The following CFAP299 variants were observed in gnomAD, a reference collection of about 807,000 sequenced individuals.
CFAP299 encodes the protein cilia- and flagella-associated protein 299.
A neutral mutation model predicts 27.0 loss-of-function variants in CFAP299; 21 were observed. The ratio of observed to expected loss-of-function variants is 0.78; its 90% CI spans 0.55 to 1.12. The LOEUF (loss-of-function observed/expected upper bound fraction) is 1.12. Among genes scored for constraint, CFAP299 ranks in the 50% most tolerant of loss-of-function variants. The pLI is 0.00. For synonymous variants in CFAP299, 104 were observed against 98.1 expected (o/e 1.06, Z -0.36); for missense variants, 310 against 276.6 (o/e 1.12, Z -0.86).
rs746657542 is a variant in CFAP299 at position 80,869,977 on chromosome 4, T to G, written c.334-16T>G. The G allele has an allele frequency of 2.5e-6, 4 of 1,592,858 alleles. No individual in the cohort carries two copies. Among genetic ancestry groups the G allele is most frequent in the Admixed American group, 3.6e-5 (2 of 55,700 alleles). ...TCTTTTATATTTTTGTCTTATTCTC[T>G]ATTCTGTGCTACCAGTCCGTGATCT... On this transcript the variant is annotated splice_polypyrimidine_tract_variant and intron_variant, in intron 3 of 5. Coordinates refer to ENST00000358105, the MANE Select transcript of CFAP299 (RefSeq NM_152770.3).
At chr4:80,617,565 C>A (rs1271868044) in intron 3 of CFAP299, among the ~76,000 whole-genome samples, 1 of 152,032 alleles carries the variant, frequency 6.6e-6, no homozygotes, top group Non-Finnish European at 1.5e-5. Flanking sequence ...GGGGAATGTT[C>A]TTCTCAAATC....
chr4:80,393,664 CA>C (rs1725619787), intron 2 of CFAP299, among the ~76,000 whole-genome samples: 1 of 152,000 alleles, frequency 6.6e-6, no homozygotes, highest in Non-Finnish European at 1.5e-5. Flanking sequence ...TAGGCTATAC[CA>C]TATAGTTTAG....
chr4:80,364,117 C>CACACACACACACACACACACACACA (rs1472921150), intron 2 of CFAP299, among the ~76,000 whole-genome samples: 1 of 151,654 alleles, frequency 6.6e-6, no homozygotes, highest in African/African-American at 2.4e-5. Flanking sequence ...CACACACACA[C>CACACACACACACACACACACACACA]ATTTCTTTGT....
At chr4:80,568,212 G>C (rs946435740) in intron 2 of CFAP299, among the ~76,000 whole-genome samples, 7 of 151,392 alleles carry the variant, frequency 4.6e-5, no homozygotes, top group Admixed American at 3.3e-4. Context: ...ATATGTGTAT[G>C]CTTCTAATTG....
Position 80,488,667 on chromosome 4 carries a change from G to A in CFAP299, c.243-94426G>A, listed in dbSNP as rs550676612. Among the ~76,000 whole-genome samples, 13 of 152,140 alleles carry A rather than the reference G, an allele frequency of 8.5e-5. No homozygotes were observed. In the East Asian group the frequency reaches 2.1e-3, roughly 25 times the overall value. On this transcript the variant is annotated intron_variant, in intron 2 of 5. Coordinates refer to ENST00000358105, the MANE Select transcript of CFAP299 (RefSeq NM_152770.3). ...TTGTTTTTGTATTCTTAATAGAGAC[G>A]GGGTTTCACCGTGTTAGCCAGGATG...
chr4:80,571,220 C>T (rs1486016), intron 2 of CFAP299, among the ~76,000 whole-genome samples: 7,238 of 152,026 alleles, frequency 0.048, 439 homozygotes, highest in African/African-American at 0.14. Context: ...TTGTTTTTAT[C>T]TCAAAATAAT....
intron 2 of CFAP299, among the ~76,000 whole-genome samples, chr4:80,388,874 T>A (rs1420751628): frequency 6.6e-6 from 1 of 152,222 alleles, no homozygotes; most frequent in African/African-American, 2.4e-5. Context: ...ATTATTCTTG[T>A]AAGGCATTGT....
At chr4:80,890,904 G>A (rs1267112351) in intron 4 of CFAP299, among the ~76,000 whole-genome samples, 1 of 144,498 alleles carries the variant, frequency 6.9e-6, no homozygotes, top group Non-Finnish European at 1.5e-5. Context: ...TTTTTGATGG[G>A]GTTGTTTGTT....
At position 80,779,692 on chromosome 4, in the gene CFAP299, G is replaced by C. The variant is rs189978379; in HGVS notation, c.334-90301G>C. On this transcript the variant is annotated intron_variant, in intron 3 of 5. Coordinates refer to ENST00000358105, the MANE Select transcript of CFAP299 (RefSeq NM_152770.3). ...CTGTCTCCACTGTCAGTCCCCATTG[G>C]CAGGTATTCTCCTCATGCACTGGCA... Among the ~76,000 whole-genome samples, 296 of 151,784 alleles carry C rather than the reference G, an allele frequency of 2.0e-3. 2 individuals are homozygous for C. The highest frequency in any genetic ancestry group is 2.6e-3 in the Admixed American group (39 of 15,190).
intron 3 of CFAP299, among the ~76,000 whole-genome samples, chr4:80,680,963 C>G (rs1468628388): frequency 6.6e-6 from 1 of 152,152 alleles, no homozygotes; most frequent in Non-Finnish European, 1.5e-5. Flanking sequence ...CAAGTCTCCT[C>G]TCTTCTCCTG....
chr4:80,745,419 T>G (rs1724528532), intron 3 of CFAP299, among the ~76,000 whole-genome samples: 1 of 152,190 alleles, frequency 6.6e-6, no homozygotes, highest in Non-Finnish European at 1.5e-5. Context: ...ATGGATATGA[T>G]GCTCCAAATA....
chr4:80,477,339 G>C (rs190123241), intron 2 of CFAP299, among the ~76,000 whole-genome samples: 1 of 152,172 alleles, frequency 6.6e-6, no homozygotes, highest in Non-Finnish European at 1.5e-5. Context: ...GGGATTACAG[G>C]CATGAGCCAC....
chr4:80,786,609 C>T (rs546467113), intron 3 of CFAP299, among the ~76,000 whole-genome samples: 8 of 152,234 alleles, frequency 5.3e-5, no homozygotes, highest in Middle Eastern at 3.4e-3. Context: ...CAAACCTCAA[C>T]CAATTATAGT....
At chr4:80,330,906 G>A (rs1402494524), upstream of CFAP299, among the ~76,000 whole-genome samples, 1 of 152,178 alleles carries the variant, frequency 6.6e-6, no homozygotes, top group South Asian at 2.1e-4. Context: ...TACGTTAGAT[G>A]CTGAGGATAT....
chr4:80,857,179 G>C (rs185472938), intron 3 of CFAP299, among the ~76,000 whole-genome samples: 1 of 152,202 alleles, frequency 6.6e-6, no homozygotes, highest in African/African-American at 2.4e-5. Context: ...GTGAATGGGA[G>C]TTCACTCATG....
At chr4:80,735,344 C>T (rs1723791574) in intron 3 of CFAP299, among the ~76,000 whole-genome samples, 1 of 151,960 alleles carries the variant, frequency 6.6e-6, no homozygotes. Context: ...TTGGTGGAGT[C>T]TTTAGGATTT....
intron 2 of CFAP299, among the ~76,000 whole-genome samples, chr4:80,481,106 A>AGTGT (rs1433504524): frequency 3.3e-5 from 5 of 152,136 alleles, no homozygotes; most frequent in African/African-American, 1.2e-4. Flanking sequence ...AAGAGACAAT[A>AGTGT]GTGTGTTGAA....
chr4:80,803,971 AGGACCTTCTT>A (rs1325548564), intron 3 of CFAP299, among the ~76,000 whole-genome samples: 1 of 152,100 alleles, frequency 6.6e-6, no homozygotes, highest in African/African-American at 2.4e-5. Flanking sequence ...GTGTCTGGTG[AGGACCTTCTT>A]GTGTCCTCAC....
chr4:80,697,020 G>A (rs1369575924), intron 3 of CFAP299, among the ~76,000 whole-genome samples: 1 of 152,156 alleles, frequency 6.6e-6, no homozygotes, highest in Non-Finnish European at 1.5e-5. Context: ...AATCAAAGCA[G>A]TTAAATCATT....
Sources: gnomAD v4.1 joint callset for allele counts (sites outside exome capture counted in the v4.1 genomes callset) on GRCh38, gnomAD v4.1.1 for gene constraint, MANE v1.5 for transcripts, NCBI Gene and HGNC (gene_info 2026-07-23, HGNC 2026-07-21) for gene names.